ZMIZ1: variants seen among roughly 807,000 people sequenced by gnomAD.
ZMIZ1 encodes zinc finger MIZ domain-containing protein 1.
ZMIZ1 carries 17 observed loss-of-function variants against 113.9 expected under a neutral mutation model. The observed-to-expected ratio is 0.15, with a 90% confidence interval of 0.10 to 0.22. ZMIZ1 has a LOEUF of 0.22. Ranked by LOEUF, ZMIZ1 falls within the 10% of genes least tolerant of loss-of-function variation. The pLI, the probability that ZMIZ1 is intolerant of heterozygous loss-of-function variation, is 1.00. For missense variants in ZMIZ1, 1,059 were observed against 1,477.8 expected, an observed-to-expected ratio of 0.72 and a Z score of 4.65; for synonymous variants, 607 against 603.1, an observed-to-expected ratio of 1.01 and a Z score of -0.09.
At chr10:79,147,898 C>G (rs1456772074) in intron 3 of ZMIZ1, among the ~76,000 whole-genome samples, 2 of 152,216 alleles carry the variant, frequency 1.3e-5, no homozygotes, top group Non-Finnish European at 2.9e-5. Context: ...GGCTCGGACA[C>G]CTGGGGGCCT....
At chr10:79,265,241 A>G (rs1217905900) in intron 7 of ZMIZ1, among the ~76,000 whole-genome samples, 1 of 152,140 alleles carries the variant, frequency 6.6e-6, no homozygotes, top group Non-Finnish European at 1.5e-5. Flanking sequence ...AGACTGGACC[A>G]CAGGACCTGA....
intron 8 of ZMIZ1, among the ~76,000 whole-genome samples, chr10:79,282,480 G>A (rs1303312679): frequency 1.3e-5 from 2 of 152,214 alleles, no homozygotes; most frequent in Middle Eastern, 3.2e-3. Context: ...CCCGAGGGAC[G>A]GCAGACGCCT....
intron 6 of ZMIZ1, among the ~76,000 whole-genome samples, chr10:79,212,755 CAA>C (rs531542235): frequency 2.8e-4 from 32 of 113,896 alleles, no homozygotes; most frequent in Admixed American, 8.2e-4. Context: ...GACTCTGTCT[CAA>C]AAAAAAAAAA....
Position 79,292,352 on chromosome 10 carries a change from G to A in ZMIZ1, c.953G>A (p.Gly318Glu). The change falls in exon 11 of 25, where the codon GGA (glycine) becomes GAA (glutamate). Residue 318 changes from glycine to glutamate, a missense_variant. Gly to Glu is a moderately conservative substitution (Grantham distance 98). This residue lies in a region of ZMIZ1 where 83 missense variants were observed against 103.7 expected (regional missense o/e 0.80). Transcript: ENST00000334512. ...CAGAACAAGGATATAAACCAGTATG[G>A]ACCGGTAAGGGTTCCCACTAATCCT... is the stretch of plus-strand genomic sequence containing the variant. ...ETQNKDINQY[G>E]PMGPTQAYNS... 1 of 1,606,022 alleles carries A rather than the reference G, an allele frequency of 6.2e-7. No individual in the cohort carries two copies. Among genetic ancestry groups the A allele is most frequent in the Non-Finnish European group, 8.5e-7 (1 of 1,173,926 alleles).
intron 19 of ZMIZ1, 22 bp from the exon 20 acceptor site, chr10:79,305,142 G>A (rs757271914): frequency 2.5e-6 from 4 of 1,613,546 alleles, no homozygotes; most frequent in Non-Finnish European, 3.4e-6. Context: ...GGTCTCACCT[G>A]TGTCTGTCTG....
chr10:79,177,652 G>A (rs1846929468), intron 4 of ZMIZ1, among the ~76,000 whole-genome samples: 1 of 152,216 alleles, frequency 6.6e-6, no homozygotes, highest in Non-Finnish European at 1.5e-5. Context: ...GTGTGGCCCT[G>A]GGTGCCTAAG....
chr10:79,223,451 G>A (rs1208326603), intron 7 of ZMIZ1, among the ~76,000 whole-genome samples: 3 of 152,224 alleles, frequency 2.0e-5, no homozygotes, highest in Non-Finnish European at 2.9e-5. Context: ...TTGGGGAGGG[G>A]TTTGGCTTCC....
intron 6 of ZMIZ1, among the ~76,000 whole-genome samples, chr10:79,213,331 G>A (rs990134356): frequency 3.3e-5 from 5 of 152,176 alleles, no homozygotes; most frequent in Non-Finnish European, 7.4e-5. Context: ...GAATGCATGA[G>A]GCACTCTAGG....
intron 7 of ZMIZ1, among the ~76,000 whole-genome samples, chr10:79,268,618 C>A (rs1039375740): frequency 6.6e-6 from 1 of 152,176 alleles, no homozygotes; most frequent in Non-Finnish European, 1.5e-5. Context: ...AGAAGTGAAG[C>A]CCCCAAATCC....
chr10:79,120,017 C>A (rs1046156917), intron 2 of ZMIZ1, among the ~76,000 whole-genome samples: 2 of 148,956 alleles, frequency 1.3e-5, no homozygotes, highest in African/African-American at 4.9e-5. Context: ...TGGCAAGCCC[C>A]ATAACAGTGG....
At chr10:79,087,096 G>A (rs1477833639) in intron 1 of ZMIZ1, among the ~76,000 whole-genome samples, 1 of 152,214 alleles carries the variant, frequency 6.6e-6, no homozygotes, top group Non-Finnish European at 1.5e-5. Context: ...TTAACCCCAG[G>A]CCTCTAACCC....
intron 7 of ZMIZ1, among the ~76,000 whole-genome samples, chr10:79,273,256 G>C (rs887087173): frequency 9.8e-5 from 15 of 152,326 alleles, no homozygotes; most frequent in African/African-American, 3.1e-4. Flanking sequence ...ATGGGCCTCT[G>C]TGGCCAGCTC....
At position 79,296,660 on chromosome 10, in the gene ZMIZ1, C is replaced by T. The variant is rs1853914269; in HGVS notation, c.1413+7C>T. The stretch of plus-strand genomic sequence containing the variant: ...CATGGGGCAGTATTACAAGGTGAGT[C>T]CCAGCCTCGCCACCACCCACGGGGC... On this transcript the variant is annotated splice_region_variant and intron_variant, in intron 13 of 24. Coordinates refer to ENST00000334512, the MANE Select transcript of ZMIZ1 (RefSeq NM_020338.4). This position sits in a 1 kb window ranked among gnomAD's most constrained non-coding sequence, Gnocchi z 4.1. 1 of 1,534,574 alleles carries T rather than the reference C, an allele frequency of 6.5e-7. No homozygotes were observed. The highest frequency in any genetic ancestry group is 1.4e-5 in the African/African-American group (1 of 72,680).
At chr10:79,098,693 G>A (rs1843253583) in intron 1 of ZMIZ1, among the ~76,000 whole-genome samples, 1 of 152,256 alleles carries the variant, frequency 6.6e-6, no homozygotes, top group South Asian at 2.1e-4. Flanking sequence ...TGAGATTTGA[G>A]TGCAGGTGAT....
intron 7 of ZMIZ1, among the ~76,000 whole-genome samples, chr10:79,243,980 G>A (rs1850034293): frequency 6.6e-6 from 1 of 152,268 alleles, no homozygotes. Context: ...GGGCCACGGG[G>A]CAGAGTGCGC....
intron 4 of ZMIZ1, among the ~76,000 whole-genome samples, chr10:79,180,031 T>TC (rs1847048910): frequency 6.6e-6 from 1 of 152,132 alleles, no homozygotes; most frequent in Non-Finnish European, 1.5e-5. Flanking sequence ...TATCCACCTG[T>TC]CCCCTTCCTG....
At chr10:79,217,108 G>A (rs1848763894) in intron 7 of ZMIZ1, among the ~76,000 whole-genome samples, 1 of 152,190 alleles carries the variant, frequency 6.6e-6, no homozygotes, top group Admixed American at 6.5e-5. Context: ...TGACTTCAGG[G>A]GTCATTGTAA....
chr10:79,292,406 G>A (rs752671313), intron 11 of ZMIZ1, 50 bp downstream of exon 11: 1 of 1,577,844 alleles, frequency 6.3e-7, no homozygotes, highest in Admixed American at 1.7e-5. Context: ...CAGCCAGGCA[G>A]ACAGCCCTGG....
intron 7 of ZMIZ1, among the ~76,000 whole-genome samples, chr10:79,233,880 C>A (rs1010486354): frequency 6.6e-6 from 1 of 151,930 alleles, no homozygotes; most frequent in Non-Finnish European, 1.5e-5. Context: ...ACACTTTGAT[C>A]GGCATATGGA....
Sources: gnomAD v4.1 joint callset for allele counts (sites outside exome capture counted in the v4.1 genomes callset) on GRCh38, gnomAD v4.1.1 for gene constraint, gnomAD v4.1.1 regional missense constraint, Gnocchi (gnomAD v3.1) non-coding constraint, MANE v1.5 for transcripts, NCBI Gene and HGNC (gene_info 2026-07-23, HGNC 2026-07-21) for gene names.